Variants in ZFP82 observed in about 807,000 individuals in gnomAD.
ZFP82 encodes the protein zinc finger protein 82 homolog.
A neutral mutation model predicts 54.0 loss-of-function variants in ZFP82; 30 were observed. That is an observed-to-expected ratio of 0.56 (90% CI 0.42 to 0.75). The LOEUF is 0.75. Ranked by LOEUF, ZFP82 falls within the 30% of genes least tolerant of loss-of-function variation. The pLI is 0.00. For synonymous variants in ZFP82, 194 were observed against 209.5 expected (o/e 0.93, Z 0.64); for missense variants, 500 against 636.8 (o/e 0.79, Z 2.31).
Position 36,392,449 on chromosome 19 carries a change from T to C in ZFP82, c.*292A>G, listed in dbSNP as rs576447857. 1.1e-3 allele frequency: 299 copies of C among 276,042 alleles called. 1 individual carries two copies. The highest frequency in any genetic ancestry group is 1.6e-3 in the Non-Finnish European group (243 of 148,126). The allele number at this position is 276,042 out of a possible 1,614,324, so 17.1% of individuals were successfully genotyped here. A position where few individuals can be genotyped will look rare whatever the true frequency, so the allele number is the denominator to read the frequency against. ...AAACTGCTGCACTCTTATATGACCA[T>C]GTCATAAATTAAAAAATTATAGCAC... is the stretch of plus-strand genomic sequence containing the variant. On this transcript the variant is annotated 3_prime_UTR_variant, in exon 5 of 5. Transcript: ENST00000392161.
At chr19:36,411,487 T>C (rs1213520739) in intron 1 of ZFP82, among the ~76,000 whole-genome samples, 2 of 152,162 alleles carry the variant, frequency 1.3e-5, no homozygotes, top group East Asian at 3.8e-4. Context: ...TGCATAGATT[T>C]CAAAGTATGT....
downstream of ZFP82, among the ~76,000 whole-genome samples, chr19:36,385,832 G>A (rs1332236298): frequency 6.6e-6 from 1 of 152,116 alleles, no homozygotes; most frequent in Admixed American, 6.5e-5. Context: ...AATATGTGGT[G>A]GAAGAAATTT....
chr19:36,394,188 G>A, intron 4 of ZFP82, 78 bp from the exon 5 acceptor site: 3 of 1,280,630 alleles, frequency 2.3e-6, no homozygotes, highest in Non-Finnish European at 3.2e-6. Context: ...AGAAATAAAA[G>A]ACAACAAAAG....
At chr19:36,411,372 A>T (rs542275122) in intron 1 of ZFP82, among the ~76,000 whole-genome samples, 147 of 152,250 alleles carry the variant, frequency 9.7e-4, no homozygotes, top group African/African-American at 3.3e-3. Flanking sequence ...CTAAAAAAAA[A>T]TAAAATAAAA....
At chr19:36,405,467 T>C (rs1015811280) in intron 4 of ZFP82, 113 bp downstream of exon 4, 24 of 684,020 alleles carry the variant, frequency 3.5e-5, no homozygotes, top group Non-Finnish European at 5.1e-5. Flanking sequence ...CCTTTCCTCC[T>C]TGGGCCACAG....
At chr19:36,406,758 T>C (rs944268456) in intron 3 of ZFP82, among the ~76,000 whole-genome samples, 1 of 152,224 alleles carries the variant, frequency 6.6e-6, no homozygotes, top group Non-Finnish European at 1.5e-5. Context: ...TATCGTACAT[T>C]CCCACTGCAA....
intron 4 of ZFP82, 60 bp from the exon 5 acceptor site, chr19:36,394,170 T>C (rs1442123978): frequency 7.2e-7 from 1 of 1,394,412 alleles, no homozygotes; most frequent in South Asian, 1.3e-5. Context: ...AAGCAACATT[T>C]CTAATGTAGA....
chr19:36,415,253 T>C (rs2032650273), intron 1 of ZFP82, among the ~76,000 whole-genome samples: 1 of 152,204 alleles, frequency 6.6e-6, no homozygotes. Flanking sequence ...AACATTAGAA[T>C]AGTAATATTT....
chr19:36,393,391 T>TC lies in ZFP82; in HGVS notation c.948dup (p.Lys317GlufsTer10). ...AGACCAGAGCCACACAAAAAGGCCT[T>TC]CCCACATTCTTTGCATTCATAGAGC... is the stretch of plus-strand genomic sequence containing the variant. On this transcript the variant is annotated frameshift_variant, in exon 5 of 5. Coordinates refer to ENST00000392161, the MANE Select transcript of ZFP82 (RefSeq NM_133466.4). LOFTEE classifies it high-confidence loss of function. The TC allele has an allele frequency of 6.2e-7, 1 of 1,614,050 alleles. No individual in the cohort carries two copies. Among genetic ancestry groups the TC allele is most frequent in the Non-Finnish European group, 8.5e-7 (1 of 1,180,014 alleles).
At chr19:36,416,074 CATG>C (rs1007066372) in intron 1 of ZFP82, among the ~76,000 whole-genome samples, 28 of 152,208 alleles carry the variant, frequency 1.8e-4, no homozygotes, top group Non-Finnish European at 3.7e-4. Flanking sequence ...GCGATTCATA[CATG>C]ATTAAAGGTT....
intron 2 of ZFP82, among the ~76,000 whole-genome samples, chr19:36,408,592 G>T (rs894747874): frequency 2.0e-5 from 3 of 152,136 alleles, no homozygotes; most frequent in African/African-American, 7.2e-5. Flanking sequence ...GGCCGAGGTG[G>T]GAGGATCACC....
chr19:36,383,989 TATAAGGAA>T (rs2032088493), downstream of ZFP82: 1 of 152,154 alleles, frequency 6.6e-6, no homozygotes, highest in Non-Finnish European at 1.5e-5. Context: ...GAAGTAAGGA[TATAAGGAA>T]ATAAGGAAAA....
intron 1 of ZFP82, among the ~76,000 whole-genome samples, chr19:36,410,524 T>TG (rs2032561133): frequency 6.6e-6 from 1 of 151,932 alleles, no homozygotes; most frequent in African/African-American, 2.4e-5. Context: ...TTTTTTGAGA[T>TG]GGAGTCTTGC....
intron 4 of ZFP82, among the ~76,000 whole-genome samples, chr19:36,402,382 C>T (rs2385805): frequency 0.68 from 102,097 of 150,404 alleles, 34,889 homozygotes; most frequent in African/African-American, 0.76. Context: ...GGCAAGAGAA[C>T]GGCGTGAACC....
chr19:36,411,727 T>C (rs902940902), intron 1 of ZFP82, among the ~76,000 whole-genome samples: 7 of 151,986 alleles, frequency 4.6e-5, no homozygotes, highest in Non-Finnish European at 1.0e-4. Context: ...TAGCCGGGCA[T>C]GGTGGCAGGC....
chr19:36,402,127 G>A (rs763906755), intron 4 of ZFP82, among the ~76,000 whole-genome samples: 4 of 152,180 alleles, frequency 2.6e-5, no homozygotes, highest in Non-Finnish European at 5.9e-5. Context: ...TACATTTTGA[G>A]TGTTAATAAT....
intron 3 of ZFP82, among the ~76,000 whole-genome samples, chr19:36,406,118 A>G (rs2032477836): frequency 6.6e-6 from 1 of 152,224 alleles, no homozygotes; most frequent in African/African-American, 2.4e-5. Flanking sequence ...AACACTATTT[A>G]TATTTCATTA....
intron 4 of ZFP82, among the ~76,000 whole-genome samples, chr19:36,396,757 C>A (rs1298326583): frequency 2.6e-5 from 4 of 151,662 alleles, no homozygotes; most frequent in African/African-American, 9.7e-5. Flanking sequence ...AGGAGAAGTG[C>A]TTGAGCCCAG....
intron 1 of ZFP82, 106 bp from the exon 2 acceptor site, chr19:36,409,973 C>CTG: frequency 1.7e-6 from 1 of 599,952 alleles, no homozygotes; most frequent in Non-Finnish European, 3.0e-6. Flanking sequence ...TCCACCACAG[C>CTG]TCCTCCAACA....
Sources: gnomAD v4.1 joint callset for allele counts (sites outside exome capture counted in the v4.1 genomes callset) on GRCh38, gnomAD v4.1.1 for gene constraint, MANE v1.5 for transcripts, NCBI Gene and HGNC (gene_info 2026-07-23, HGNC 2026-07-21) for gene names.